Variants in PPP1R16A observed in about 807,000 individuals in gnomAD.
PPP1R16A encodes protein phosphatase 1 regulatory subunit 16A.
In PPP1R16A, 39 loss-of-function variants were observed where a neutral mutation model predicts 46.6. The ratio of observed to expected loss-of-function variants is 0.84; its 90% CI spans 0.65 to 1.09. PPP1R16A has a LOEUF of 1.09. Ranked by LOEUF, PPP1R16A falls within the 50% of genes least tolerant of loss-of-function variation. The pLI is 0.00. For synonymous variants in PPP1R16A, 413 were observed against 321.5 expected (o/e 1.28, Z -3.04); for missense variants, 798 against 735.6 (o/e 1.08, Z -0.98).
At chr8:144,489,439 C>T (rs1169785882) in intron 1 of PPP1R16A, among the ~76,000 whole-genome samples, 6 of 151,584 alleles carry the variant, frequency 4.0e-5, no homozygotes, top group Non-Finnish European at 8.8e-5. Context: ...ACACTGGGCC[C>T]TGGAGGACAC....
chr8:144,497,529 G>A, intron 3 of PPP1R16A, 76 bp downstream of exon 3: 3 of 1,584,146 alleles, frequency 1.9e-6, no homozygotes, highest in East Asian at 4.5e-5. Flanking sequence ...CTCATGCCAA[G>A]GCTGGGGGCT....
chr8:144,501,427 C>T (rs922260110), intron 11 of PPP1R16A, 93 bp from the exon 12 acceptor site: 6 of 1,478,122 alleles, frequency 4.1e-6, no homozygotes, highest in Non-Finnish European at 4.5e-6. Context: ...CCCCATCTCT[C>T]CTGTCTGTCC....
rs375036738 is a variant in PPP1R16A at position 144,488,343 on chromosome 8, C to T, written c.-913-1691C>T. On this transcript the variant is annotated intron_variant, in intron 1 of 11. Coordinates refer to ENST00000435887, the MANE Select transcript of PPP1R16A (RefSeq NM_001329443.2). ...GGCAAGGGAAGCAGATTTCTGCAAG[C>T]GTCAGAGCCCTTGAGGGAGTGGCTC... Among the ~76,000 whole-genome samples, 11 of 152,254 alleles carry T rather than the reference C, an allele frequency of 7.2e-5. No individual in the cohort carries two copies. The East Asian group carries it at 7.7e-4, about 11-fold the overall frequency.
At chr8:144,498,892 T>C (rs3816732) in intron 4 of PPP1R16A, 24 bp from the exon 5 acceptor site, 741,656 of 1,612,050 alleles carry the variant, frequency 0.46, 176,147 homozygotes, top group South Asian at 0.56. Flanking sequence ...CGTGCTCTGG[T>C]CGCTCACGTG....
intron 2 of PPP1R16A, among the ~76,000 whole-genome samples, chr8:144,491,687 T>A (rs772487903): frequency 1.5e-4 from 22 of 148,544 alleles, no homozygotes; most frequent in Non-Finnish European, 3.0e-4. Context: ...GGCATGAACC[T>A]GGGAGGCGGA....
At position 144,500,598 on chromosome 8, in the gene PPP1R16A, G is replaced by T. The variant is rs1293725854; in HGVS notation, c.817G>T (p.Ala273Ser). ...CGGCTGGGAGCCGCTGCACGCCGCG[G>T]CCTACTGGGGCCAGGTGAGTGCGGG... ...QDGWEPLHAAAYWGQVPLVEL... is the reference protein window; with the variant it reads ...QDGWEPLHAASYWGQVPLVEL... The change falls in exon 8 of 12, where the codon GCC becomes TCC. Residue 273 changes from alanine to serine, a missense_variant. Transcript: ENST00000435887. 1 of 1,600,312 alleles carries T rather than the reference G, an allele frequency of 6.2e-7. No homozygotes were observed. The highest frequency in any genetic ancestry group is 8.5e-7 in the Non-Finnish European group (1 of 1,179,028).
At chr8:144,500,801 A>G in intron 9 of PPP1R16A, 40 bp downstream of exon 9, 1 of 1,603,220 alleles carries the variant, frequency 6.2e-7, no homozygotes, top group Non-Finnish European at 8.5e-7. Flanking sequence ...GGGAGAGGAC[A>G]GGCGGGGAGG....
intron 1 of PPP1R16A, among the ~76,000 whole-genome samples, chr8:144,486,164 A>C (rs1825620235): frequency 6.6e-6 from 1 of 151,980 alleles, no homozygotes; most frequent in Non-Finnish European, 1.5e-5. Flanking sequence ...TTATTTTTTG[A>C]GACAGAGCCT....
intron 2 of PPP1R16A, among the ~76,000 whole-genome samples, chr8:144,492,946 A>G (rs1280121639): frequency 1.3e-5 from 2 of 152,066 alleles, no homozygotes; most frequent in Non-Finnish European, 2.9e-5. Context: ...GTACTGTGGT[A>G]AAGTAGTGAC....
intron 2 of PPP1R16A, chr8:144,495,813 C>T (rs1210665036): frequency 6.6e-6 from 1 of 152,314 alleles, no homozygotes; most frequent in Non-Finnish European, 1.5e-5. Context: ...GGACTAGGGC[C>T]ATAGCAGGTA....
At chr8:144,500,643 G>A (rs149399224) in intron 8 of PPP1R16A, 31 bp downstream of exon 8, 3 of 1,604,786 alleles carry the variant, frequency 1.9e-6, no homozygotes, top group Admixed American at 1.7e-5. Flanking sequence ...GTGGGAGGGG[G>A]CTTCCAGCGC....
At chr8:144,499,320 T>C in intron 5 of PPP1R16A, 1 of 530,256 alleles carries the variant, frequency 1.9e-6, no homozygotes, top group South Asian at 2.9e-5. Context: ...CCCCCCAGAG[T>C]GTGCACAGAG....
rs199878335 is a variant in PPP1R16A, at chr8:144,494,322, C to CT, written c.-734-2130dup. 4.7e-3 allele frequency among the ~76,000 whole-genome samples: 701 copies of CT among 150,738 alleles called. 3 individuals are homozygous for CT. Among genetic ancestry groups the CT allele is most frequent in the African/African-American group, 7.0e-3 (288 of 41,178 alleles). On this transcript the variant is annotated intron_variant, in intron 2 of 11. Transcript: ENST00000435887. ...GGACAGTAGGTGGTGTCTGTTAAAT[C>CT]TTTTTTTTTGAGACAGGATCGCCCT... is the stretch of plus-strand genomic sequence containing the variant.
At position 144,501,419 on chromosome 8, in the gene PPP1R16A, C is replaced by A. The variant is rs975084145; in HGVS notation, c.1204-101C>A. ...TGCCCTGCAGGGGCCAGCTTTTGCC[C>A]CATCTCTCCTGTCTGTCCCTTCATG... On this transcript the variant is annotated intron_variant, in intron 11 of 11. Transcript: ENST00000435887. The A allele has an allele frequency of 3.4e-6, 5 of 1,478,554 alleles. No homozygotes were observed. The African/African-American group carries it at 7.0e-5, about 21-fold the overall frequency. 91.6% of individuals were successfully genotyped at this position (1,478,554 alleles called of 1,614,324 possible). A position where few individuals can be genotyped will look rare whatever the true frequency, so the allele number is the denominator to read the frequency against.
rs1748762593 is a variant in PPP1R16A at position 144,500,197 on chromosome 8, G to A, written c.578G>A (p.Arg193His). The change falls in exon 6 of 12, where the codon CGT (arginine) becomes CAT (histidine). Residue 193 changes from arginine to histidine, a missense_variant and splice_region_variant. By Grantham distance (29) the Arg-to-His change is conservative. Transcript: ENST00000435887. ...LDCLETAMAD[R>H]GITQDSIEAA... ...TGCCTGGAGACTGCCATGGCCGACC[G>A]TGGTAGGTGCGGCGGTGCGGCTGTG... is the stretch of plus-strand genomic sequence containing the variant. 2 of 1,606,578 alleles carry A rather than the reference G, an allele frequency of 1.2e-6. No individual in the cohort carries two copies. Among genetic ancestry groups the A allele is most frequent in the Non-Finnish European group, 1.7e-6 (2 of 1,176,948 alleles).
chr8:144,487,899 G>A (rs141737466), intron 1 of PPP1R16A, among the ~76,000 whole-genome samples: 8 of 152,294 alleles, frequency 5.3e-5, no homozygotes, highest in South Asian at 2.1e-4. Flanking sequence ...TTGGGACTAC[G>A]TCAAATCTTG....
chr8:144,489,653 T>G (rs1248806320), intron 1 of PPP1R16A, among the ~76,000 whole-genome samples: 1 of 152,102 alleles, frequency 6.6e-6, no homozygotes, highest in Non-Finnish European at 1.5e-5. Context: ...CCCGATGCCT[T>G]CTGTGCTGAC....
intron 1 of PPP1R16A, among the ~76,000 whole-genome samples, chr8:144,487,714 C>G (rs932299471): frequency 6.6e-6 from 1 of 152,186 alleles, no homozygotes; most frequent in Non-Finnish European, 1.5e-5. Context: ...TTCTCTATGC[C>G]TAAGCCAGTA....
rs745822646 is a variant in PPP1R16A, at chr8:144,500,512, T to G, written c.731T>G (p.Phe244Cys). The G allele has an allele frequency of 5.7e-6, 9 of 1,589,844 alleles. No homozygotes were observed. Among genetic ancestry groups the G allele is most frequent in the Non-Finnish European group, 2.6e-6 (3 of 1,176,188 alleles). Residue 244 changes from phenylalanine to cysteine, a missense_variant, in exon 8 of 12, where the codon TTC becomes TGC. Physicochemically the swap from Phe to Cys is radical, Grantham distance 205. Coordinates refer to ENST00000435887, the MANE Select transcript of PPP1R16A (RefSeq NM_001329443.2). ...CTGCACGTCGCAGCCGCCAACGGGTTCAGCGAGGCGGCTGCCCTGCTGCTG... is the reference window on the plus strand; with the variant it reads ...CTGCACGTCGCAGCCGCCAACGGGTGCAGCGAGGCGGCTGCCCTGCTGCTG... ...TLLHVAAANG[F>C]SEAAALLLEH...
Sources: gnomAD v4.1 joint callset for allele counts (sites outside exome capture counted in the v4.1 genomes callset) on GRCh38, gnomAD v4.1.1 for gene constraint, MANE v1.5 for transcripts, NCBI Gene and HGNC (gene_info 2026-07-23, HGNC 2026-07-21) for gene names.